Variants in MAP3K3 observed in about 807,000 individuals in gnomAD.
The protein encoded by MAP3K3 is mitogen-activated protein kinase kinase kinase 3.
A neutral mutation model predicts 80.9 loss-of-function variants in MAP3K3; 12 were observed. The observed-to-expected ratio is 0.15, with a 90% CI of 0.10 to 0.24. MAP3K3 has a LOEUF of 0.24. Among genes scored for constraint, MAP3K3 ranks in the 10% least tolerant of loss-of-function variants. The probability of loss-of-function intolerance (pLI) is 1.00; values close to 1 mark genes in which losing one functional copy is unlikely to be tolerated. For missense variants in MAP3K3, 596 were observed against 834.7 expected, an observed-to-expected ratio of 0.71 and a Z score of 3.52; for synonymous variants, 272 against 307.1, an observed-to-expected ratio of 0.89 and a Z score of 1.19.
chr17:63,670,222 T>C (rs913835938), intron 6 of MAP3K3, among the ~76,000 whole-genome samples: 1 of 152,072 alleles, frequency 6.6e-6, no homozygotes, highest in Non-Finnish European at 1.5e-5. Flanking sequence ...CATTTACTTC[T>C]TATGATGTGA....
chr17:63,631,600 C>T (rs975267453), intron 1 of MAP3K3, among the ~76,000 whole-genome samples: 2 of 152,134 alleles, frequency 1.3e-5, no homozygotes, highest in African/African-American at 4.8e-5. Flanking sequence ...GCAAAGATCT[C>T]TTAAAGGACC....
At chr17:63,686,502 G>A (rs757763563) in intron 8 of MAP3K3, among the ~76,000 whole-genome samples, 1 of 152,166 alleles carries the variant, frequency 6.6e-6, no homozygotes, top group Non-Finnish European at 1.5e-5. Context: ...TGAGGGCTCT[G>A]CCAAGACAGG....
intron 2 of MAP3K3, among the ~76,000 whole-genome samples, chr17:63,635,703 C>T (rs1184820422): frequency 6.6e-6 from 1 of 152,126 alleles, no homozygotes; most frequent in African/African-American, 2.4e-5. Context: ...TTATAATTCA[C>T]AGAGTTACAC....
chr17:63,667,675 C>G (rs1044155812), intron 6 of MAP3K3, among the ~76,000 whole-genome samples: 89 of 152,118 alleles, frequency 5.9e-4, no homozygotes, highest in Non-Finnish European at 2.2e-4. Flanking sequence ...CTACCCACAT[C>G]CTCCTTCATA....
At position 63,691,748 on chromosome 17, in the gene MAP3K3, C is replaced by G; in HGVS notation, c.1360C>G (p.Gln454Glu). 4.3e-6 allele frequency: 7 copies of G among 1,613,806 alleles called. No individual in the cohort carries two copies. The highest frequency in any genetic ancestry group is 5.9e-6 in the Non-Finnish European group (7 of 1,179,792). ...EYMPGGSVKD[Q>E]LKAYGALTES... is the part of the protein sequence containing the mutation. ...TGGCCTCCAGGGCTCGGTGAAAGAC[C>G]AGTTGAAGGCTTACGGTGCTCTGAC... The change falls in exon 14 of 16, where the codon CAG becomes GAG. Residue 454 changes from glutamine (Q) to glutamate (E), a missense_variant. Around this residue, in one of 2 missense-constraint regions of MAP3K3, gnomAD observed 364 missense variants for 588.9 expected, o/e 0.62. Coordinates refer to ENST00000361733, the MANE Select transcript of MAP3K3 (RefSeq NM_002401.5). This position sits in a 1 kb window ranked among gnomAD's most constrained non-coding sequence, Gnocchi z 4.8.
chr17:63,645,946 C>A, intron 2 of MAP3K3, 88 bp from the exon 3 acceptor site: 2 of 1,008,584 alleles, frequency 2.0e-6, no homozygotes, highest in Non-Finnish European at 3.1e-6. Flanking sequence ...CCTAATGTTG[C>A]TAACGAACTG....
At chr17:63,671,772 A>G (rs1384229659) in intron 6 of MAP3K3, among the ~76,000 whole-genome samples, 1 of 152,226 alleles carries the variant, frequency 6.6e-6, no homozygotes, top group Non-Finnish European at 1.5e-5. Context: ...TTAATTGCAA[A>G]TACAGTAAAT....
chr17:63,634,855 C>T (rs1257413398), intron 2 of MAP3K3: 2 of 1,392,466 alleles, frequency 1.4e-6, no homozygotes, highest in African/African-American at 1.4e-5. Context: ...ATCTGCTACT[C>T]ATGCTGCAAC....
intron 2 of MAP3K3, among the ~76,000 whole-genome samples, chr17:63,644,710 A>G (rs182959693): frequency 3.3e-5 from 5 of 152,276 alleles, no homozygotes; most frequent in Admixed American, 2.0e-4. Flanking sequence ...CCTTGGGAAA[A>G]GGGAGTCCTT....
Position 63,689,567 on chromosome 17 carries a change from C to T in MAP3K3, c.895C>T (p.Arg299Trp), listed in dbSNP as rs370207376. ...SDGRRTFPRI[R>W]RHQGNLFTLV... ...AGGCAGAAGAACATTTCCCCGAATACGGCGTCATCAAGGCAACTTGTTCAC... is the reference window on the plus strand; with the variant it reads ...AGGCAGAAGAACATTTCCCCGAATATGGCGTCATCAAGGCAACTTGTTCAC... The change falls in exon 11 of 16, where the codon CGG becomes TGG. Residue 299 changes from arginine (R) to tryptophan (W), a missense_variant. By Grantham distance (101) the Arg-to-Trp change is moderately radical. Transcript: ENST00000361733. This position sits in a 1 kb window ranked among gnomAD's most constrained non-coding sequence, Gnocchi z 4.3. 14 of 1,613,284 alleles carry T rather than the reference C, an allele frequency of 8.7e-6. No individual in the cohort carries two copies. Among genetic ancestry groups the T allele is most frequent in the Admixed American group, 1.7e-5 (1 of 59,944 alleles).
chr17:63,658,619 T>G (rs2034820660), intron 5 of MAP3K3, among the ~76,000 whole-genome samples: 1 of 152,218 alleles, frequency 6.6e-6, no homozygotes, highest in African/African-American at 2.4e-5. Flanking sequence ...CCTTTTCTTA[T>G]GCTTGACAGG....
chr17:63,664,573 T>C (rs1185148952), intron 5 of MAP3K3, among the ~76,000 whole-genome samples: 3 of 152,232 alleles, frequency 2.0e-5, no homozygotes. Context: ...ATTTTTCTAC[T>C]GATCTCCTAT....
In MAP3K3 at chr17:63,689,569, G is replaced by T. The variant is rs780958866; in HGVS notation, c.897G>T (p.Arg299=). The T allele has an allele frequency of 2.5e-6, 4 of 1,613,666 alleles. No individual in the cohort carries two copies. The highest frequency in any genetic ancestry group is 4.5e-5 in the East Asian group (2 of 44,872). ...GCAGAAGAACATTTCCCCGAATACG[G>T]CGTCATCAAGGCAACTTGTTCACCC... The part of the protein sequence containing the change: ...SDGRRTFPRI[R]RHQGNLFTLV... Residue 299 remains arginine, a synonymous_variant, in exon 11 of 16, where the codon CGG becomes CGT. Transcript: ENST00000361733. This position sits in a 1 kb window ranked among gnomAD's most constrained non-coding sequence, Gnocchi z 4.3.
intron 2 of MAP3K3, among the ~76,000 whole-genome samples, chr17:63,641,414 T>C (rs1001838461): frequency 1.3e-5 from 2 of 151,978 alleles, no homozygotes; most frequent in Admixed American, 1.3e-4. Context: ...GGCTAATTTT[T>C]GTATGTTTAG....
chr17:63,681,718 C>T (rs760498731), intron 6 of MAP3K3, 48 bp from the exon 7 acceptor site: 14 of 1,362,456 alleles, frequency 1.0e-5, no homozygotes, highest in Admixed American at 2.8e-5. Context: ...TCCTCTTGGG[C>T]CACACACCCT....
intron 3 of MAP3K3, among the ~76,000 whole-genome samples, chr17:63,649,169 G>A (rs544527541): frequency 6.6e-6 from 1 of 152,238 alleles, no homozygotes; most frequent in East Asian, 1.9e-4. Flanking sequence ...AGGTACAGAG[G>A]CTCACGCCTG....
intron 5 of MAP3K3, among the ~76,000 whole-genome samples, chr17:63,663,858 C>T (rs1373605522): frequency 6.6e-6 from 1 of 152,042 alleles, no homozygotes; most frequent in Non-Finnish European, 1.5e-5. Flanking sequence ...CACCACTGCA[C>T]TCATTGAGCA....
chr17:63,640,617 A>C (rs996374598), intron 2 of MAP3K3, among the ~76,000 whole-genome samples: 3 of 152,164 alleles, frequency 2.0e-5, no homozygotes, highest in Non-Finnish European at 4.4e-5. Flanking sequence ...ACTTATTGTG[A>C]ATATTCATAC....
chr17:63,656,146 C>T (rs1461865993), intron 4 of MAP3K3, among the ~76,000 whole-genome samples: 1 of 152,032 alleles, frequency 6.6e-6, no homozygotes, highest in Non-Finnish European at 1.5e-5. Context: ...AGGAGGATCA[C>T]TTTAGCCCAG....
Sources: gnomAD v4.1 joint callset for allele counts (sites outside exome capture counted in the v4.1 genomes callset) on GRCh38, gnomAD v4.1.1 for gene constraint, gnomAD v4.1.1 regional missense constraint, Gnocchi (gnomAD v3.1) non-coding constraint, MANE v1.5 for transcripts, NCBI Gene and HGNC (gene_info 2026-07-23, HGNC 2026-07-21) for gene names.